Variants in ALYREF observed in about 807,000 individuals in gnomAD.
The protein encoded by ALYREF is Aly/REF export factor, also known as THO complex subunit 4.
A neutral mutation model predicts 25.2 loss-of-function variants in ALYREF; 1 was observed. That is an observed-to-expected ratio of 0.04 (90% CI 0.01 to 0.19). The LOEUF (loss-of-function observed/expected upper bound fraction) is 0.19, where lower values mean the gene tolerates loss of function less well. Ranked by LOEUF, ALYREF falls within the 10% of genes least tolerant of loss-of-function variation. ALYREF has a pLI of 1.00. For missense variants in ALYREF, 328 were observed against 375.6 expected, an observed-to-expected ratio of 0.87 and a Z score of 1.05; for synonymous variants, 193 against 153.5, an observed-to-expected ratio of 1.26 and a Z score of -1.90.
At chr17:81,891,250 G>A (rs1290175383) in intron 1 of ALYREF, 73 bp downstream of exon 1, 29 of 1,039,062 alleles carry the variant, frequency 2.8e-5, no homozygotes, top group Non-Finnish European at 3.4e-5. Flanking sequence ...CCGGGTCTCC[G>A]CCGCGAGCGG....
rs1035044135 is a variant in ALYREF at position 81,891,463 on chromosome 17, C to T, written c.118G>A (p.Gly40Ser). Residue 40 changes from glycine (G) to serine (S), a missense_variant, in exon 1 of 6, where the codon GGC (glycine) becomes AGC (serine). Gly to Ser is a moderately conservative substitution (Grantham distance 56). Transcript: ENST00000505490. Reference sequence around the variant, plus strand: ...CCACCGCCGCGGCCGCCCTGGGAGCCGGCCCGGCCGCGGCCCCGGCCCCCG... The same window carrying T: ...CCACCGCCGCGGCCGCCCTGGGAGCTGGCCCGGCCGCGGCCCCGGCCCCCG... Reference protein sequence around the residue: ...RGGGRGRGRAGSQGGRGGGAQ... With the variant: ...RGGGRGRGRASSQGGRGGGAQ... 2.7e-5 allele frequency: 29 copies of T among 1,090,352 alleles called. No individual in the cohort carries two copies. In the East Asian group the frequency reaches 1.8e-3, roughly 69 times the overall value. The allele number at this position is 1,090,352 out of a possible 1,614,324, so 67.5% of individuals were successfully genotyped here. A position where few individuals can be genotyped will look rare whatever the true frequency, so the allele number is the denominator to read the frequency against.
chr17:81,888,437 C>A lies in ALYREF; in HGVS notation c.603-19G>T. On this transcript the variant is annotated intron_variant, in intron 4 of 5. Transcript: ENST00000505490. This position sits in a 1 kb window ranked among gnomAD's most constrained non-coding sequence, Gnocchi z 5.8. ...GTTTACGCTAGCAAGGAAGACGAAA[C>A]CGTTCACACACCCGGAAGGACCCTA... The A allele has an allele frequency of 1.2e-6, 2 of 1,600,046 alleles. No individual in the cohort carries two copies. Among genetic ancestry groups the A allele is most frequent in the East Asian group, 2.2e-5 (1 of 44,568 alleles).
chr17:81,889,339 G>A lies in ALYREF; in HGVS notation c.391-10C>T, dbSNP rs375461037. The A allele has an allele frequency of 1.2e-6, 2 of 1,612,808 alleles. No homozygotes were observed. The highest frequency in any genetic ancestry group is 1.3e-5 in the African/African-American group (1 of 74,932). On this transcript the variant is annotated splice_polypyrimidine_tract_variant and intron_variant, in intron 2 of 5. Transcript: ENST00000505490. ...ATTCAGCAAAGAGTTCCTGGGAGTTGCAGAGAGCAGTTGTCAGAAAAGCAA... is the reference window on the plus strand; with the variant it reads ...ATTCAGCAAAGAGTTCCTGGGAGTTACAGAGAGCAGTTGTCAGAAAAGCAA...
In ALYREF at chr17:81,888,854, C is replaced by T; in HGVS notation, c.539-271G>A. The T allele has an allele frequency of 7.1e-7, 1 of 1,410,742 alleles. No individual in the cohort carries two copies. Among genetic ancestry groups the T allele is most frequent in the South Asian group, 1.6e-5 (1 of 63,018 alleles). 87.4% of individuals were successfully genotyped at this position (1,410,742 alleles called of 1,614,324 possible). A position where few individuals can be genotyped will look rare whatever the true frequency, so the allele number is the denominator to read the frequency against. On this transcript the variant is annotated intron_variant, in intron 3 of 5. Transcript: ENST00000505490. This position sits in a 1 kb window ranked among gnomAD's most constrained non-coding sequence, Gnocchi z 5.8. ...CTCGTGGGTGGAGAGGTGTGGGTGA[C>T]CTGACGAAGAAGAACCGGTACCTTT...
chr17:81,887,977 A>G lies in ALYREF; in HGVS notation c.*154T>C, dbSNP rs1419445900. The G allele has an allele frequency of 3.2e-6, 3 of 929,736 alleles. No individual in the cohort carries two copies. In the East Asian group the frequency reaches 8.6e-5, roughly 27 times the overall value. The allele number at this position is 929,736 out of a possible 1,614,324, so 57.6% of individuals were successfully genotyped here. On this transcript the variant is annotated 3_prime_UTR_variant, in exon 6 of 6. Transcript: ENST00000505490. ...CAGAATTAAAAAAAAAAAAAAAGAA[A>G]AAAAAAAAACCTTTACATGAGTTTT...
In ALYREF at chr17:81,889,261, T is replaced by C; in HGVS notation, c.459A>G (p.Leu153=). Residue 153 remains leucine (L), a synonymous_variant, in exon 3 of 6, where the codon TTA becomes TTG. Coordinates refer to ENST00000505490, the MANE Select transcript of ALYREF (RefSeq NM_005782.4). ...GCTCAAAGTGCACGTCTGCTGTTCC[T>C]AAGCTGCGACCAGAGCGATCATAGT... ...AVHYDRSGRS[L]GTADVHFERK... The C allele has an allele frequency of 6.2e-7, 1 of 1,614,258 alleles. No homozygotes were observed. Among genetic ancestry groups the C allele is most frequent in the Non-Finnish European group, 8.5e-7 (1 of 1,180,036 alleles).
Position 81,888,263 on chromosome 17 carries a change from T to C in ALYREF, c.758A>G (p.Gln253Arg). The change falls in exon 5 of 6, where the codon CAG (glutamine) becomes CGG (arginine). Residue 253 changes from glutamine (Q) to arginine (R), a missense_variant. This residue lies in a region of ALYREF where 108 missense variants were observed against 110.5 expected (regional missense o/e 0.98). Transcript: ENST00000505490. The surrounding 1 kb of genome is among the most constrained non-coding windows in gnomAD (Gnocchi z 5.8). ...QQLSAEELDAQLDAYNARMDT... is the reference protein window; with the variant it reads ...QQLSAEELDARLDAYNARMDT... Reference sequence around the variant, plus strand: ...CACTCTCGCATTATAGGCGTCCAGCTGGGCATCCAGCTCCTCTGCCGAAAG... The same window carrying C: ...CACTCTCGCATTATAGGCGTCCAGCCGGGCATCCAGCTCCTCTGCCGAAAG... The C allele has an allele frequency of 6.2e-7, 1 of 1,610,942 alleles. No homozygotes were observed. The highest frequency in any genetic ancestry group is 8.5e-7 in the Non-Finnish European group (1 of 1,178,802).
Position 81,888,329 on chromosome 17 carries a change from C to A in ALYREF, c.692G>T (p.Arg231Leu). ...GTRRGTRGGA[R>L]GRGRGAGRNS... ...CCTGCCGGCACCTCTGCCTCTTCCA[C>A]GGGCGCCTCCGCGGGTGCCTCTCCG... Residue 231 changes from arginine to leucine, a missense_variant, in exon 5 of 6, where the codon CGT becomes CTT. Around this residue, in one of 3 missense-constraint regions of ALYREF, gnomAD observed 108 missense variants for 110.5 expected, o/e 0.98. Transcript: ENST00000505490. This position sits in a 1 kb window ranked among gnomAD's most constrained non-coding sequence, Gnocchi z 5.8. 1.3e-5 allele frequency: 21 copies of A among 1,605,928 alleles called. No individual in the cohort carries two copies. The highest frequency in any genetic ancestry group is 1.8e-5 in the Non-Finnish European group (21 of 1,179,102).
Position 81,888,039 on chromosome 17 carries a change from T to A in ALYREF, c.*92A>T. The stretch of plus-strand genomic sequence containing the variant: ...TTAAAACATAAAAGAAACAAATCCA[T>A]CATTGGCCGCACAGCCCCAGCCACC... On this transcript the variant is annotated 3_prime_UTR_variant, in exon 6 of 6. Coordinates refer to ENST00000505490, the MANE Select transcript of ALYREF (RefSeq NM_005782.4). The surrounding 1 kb of genome is among the most constrained non-coding windows in gnomAD (Gnocchi z 5.8). 6.8e-7 allele frequency: 1 copy of A among 1,467,096 alleles called. No homozygotes were observed. The highest frequency in any genetic ancestry group is 9.3e-7 in the Non-Finnish European group (1 of 1,072,136). The allele number at this position is 1,467,096 out of a possible 1,614,324, so 90.9% of individuals were successfully genotyped here. A position where few individuals can be genotyped will look rare whatever the true frequency, so the allele number is the denominator to read the frequency against.
Position 81,887,974 on chromosome 17 carries a change from GAAA to G in ALYREF, c.*154_*156del. The G allele has an allele frequency of 2.2e-6, 1 of 445,470 alleles. No individual in the cohort carries two copies. Among genetic ancestry groups the G allele is most frequent in the Non-Finnish European group, 3.3e-6 (1 of 299,358 alleles). 27.6% of individuals were successfully genotyped at this position (445,470 alleles called of 1,614,324 possible). Reference sequence around the variant, plus strand: ...TTTCAGAATTAAAAAAAAAAAAAAAGAAAAAAAAAAAACCTTTACATGAGTTTT... The same window carrying G: ...TTTCAGAATTAAAAAAAAAAAAAAAGAAAAAAAAACCTTTACATGAGTTTT... On this transcript the variant is annotated 3_prime_UTR_variant, in exon 6 of 6. Transcript: ENST00000505490.
chr17:81,887,944 G>A lies in ALYREF; in HGVS notation c.*187C>T. On this transcript the variant is annotated 3_prime_UTR_variant, in exon 6 of 6. Transcript: ENST00000505490. ...CCAAAAATAACTCGGTACAAAACAGGTCTGTTTCAGAATTAAAAAAAAAAA... is the reference window on the plus strand; with the variant it reads ...CCAAAAATAACTCGGTACAAAACAGATCTGTTTCAGAATTAAAAAAAAAAA... 6.0e-6 allele frequency: 4 copies of A among 671,932 alleles called. No homozygotes were observed. The highest frequency in any genetic ancestry group is 9.2e-6 in the Non-Finnish European group (4 of 435,468). The allele number at this position is 671,932 out of a possible 1,614,324, so 41.6% of individuals were successfully genotyped here.
In ALYREF at chr17:81,889,359, A is replaced by G. The variant is rs749288043; in HGVS notation, c.391-30T>C. 11 of 1,608,118 alleles carry G rather than the reference A, an allele frequency of 6.8e-6. No homozygotes were observed. The South Asian group carries it at 1.2e-4, about 18-fold the overall frequency. On this transcript the variant is annotated intron_variant, in intron 2 of 5. Transcript: ENST00000505490. Reference sequence around the variant, plus strand: ...GAGTTGCAGAGAGCAGTTGTCAGAAAAGCAACAAAACTGCGTTCCTTCTGG... The same window carrying G: ...GAGTTGCAGAGAGCAGTTGTCAGAAGAGCAACAAAACTGCGTTCCTTCTGG...
In ALYREF at chr17:81,888,030, A is replaced by G. The variant is rs1392307857; in HGVS notation, c.*101T>C. On this transcript the variant is annotated 3_prime_UTR_variant, in exon 6 of 6. Transcript: ENST00000505490. This position sits in a 1 kb window ranked among gnomAD's most constrained non-coding sequence, Gnocchi z 5.8. ...AATCCTATTTTAAAACATAAAAGAA[A>G]CAAATCCATCATTGGCCGCACAGCC... The G allele has an allele frequency of 7.0e-7, 1 of 1,438,364 alleles. No individual in the cohort carries two copies. Among genetic ancestry groups the G allele is most frequent in the Non-Finnish European group, 9.5e-7 (1 of 1,051,528 alleles). 89.1% of individuals were successfully genotyped at this position (1,438,364 alleles called of 1,614,324 possible).
chr17:81,889,650 G>A (rs961981074), intron 2 of ALYREF: 12 of 288,508 alleles, frequency 4.2e-5, no homozygotes, highest in Non-Finnish European at 7.4e-5. Context: ...ACACACCCAA[G>A]GGCTGTTCCA....
chr17:81,889,658 C>G (rs1218211336), intron 2 of ALYREF: 1 of 264,264 alleles, frequency 3.8e-6, no homozygotes, highest in African/African-American at 2.1e-5. Flanking sequence ...AAGGGCTGTT[C>G]CAAGAAACGG....
rs893747241 is a variant in ALYREF, at chr17:81,891,335, C to T, written c.246G>A (p.Ala82=). 3.0e-5 allele frequency: 35 copies of T among 1,161,506 alleles called. No homozygotes were observed. Among genetic ancestry groups the T allele is most frequent in the Non-Finnish European group, 3.6e-5 (34 of 942,412 alleles). The allele number at this position is 1,161,506 out of a possible 1,614,324, so 71.9% of individuals were successfully genotyped here. A position where few individuals can be genotyped will look rare whatever the true frequency, so the allele number is the denominator to read the frequency against. Reference sequence around the variant, plus strand: ...CCTCCGCACTCACCCTGCTGTAGGGCGCCGGTCGGTTCCTGCCGCCTCCGC... The same window carrying T: ...CCTCCGCACTCACCCTGCTGTAGGGTGCCGGTCGGTTCCTGCCGCCTCCGC... ...AAGGGGRNRP[A]PYSRPKQLPD... Residue 82 remains alanine (A), a synonymous_variant, in exon 1 of 6, where the codon GCG becomes GCA. Transcript: ENST00000505490.
rs764954853 is a variant in ALYREF, at chr17:81,890,721, G to A, written c.358C>T (p.Leu120=). ...TCGGCGTCTGAGACTCCAAAATCCA[G>A]ATTGGACACCAGCAGTTTCCCACCT... ...ETGGKLLVSN[L]DFGVSDADIQ... Residue 120 remains leucine (L), a synonymous_variant, in exon 2 of 6, where the codon CTG becomes TTG. Transcript: ENST00000505490. 1.2e-5 allele frequency: 19 copies of A among 1,613,898 alleles called. No homozygotes were observed. Among genetic ancestry groups the A allele is most frequent in the Middle Eastern group, 1.6e-4 (1 of 6,078 alleles).
chr17:81,891,104 G>C (rs560778861), intron 1 of ALYREF: 2 of 656,616 alleles, frequency 3.0e-6, no homozygotes, highest in Middle Eastern at 4.4e-4. Context: ...AACAAACAAA[G>C]AGCTGGGAAG....
Position 81,888,843 on chromosome 17 carries a change from G to A in ALYREF, c.539-260C>T, listed in dbSNP as rs537052221. On this transcript the variant is annotated intron_variant, in intron 3 of 5. Coordinates refer to ENST00000505490, the MANE Select transcript of ALYREF (RefSeq NM_005782.4). The surrounding 1 kb of genome is among the most constrained non-coding windows in gnomAD (Gnocchi z 5.8). The stretch of plus-strand genomic sequence containing the variant: ...GTATCGGGGTGCTCGTGGGTGGAGA[G>A]GTGTGGGTGACCTGACGAAGAAGAA... The A allele has an allele frequency of 1.4e-6, 2 of 1,416,194 alleles. No individual in the cohort carries two copies. The highest frequency in any genetic ancestry group is 5.1e-5 in the East Asian group (2 of 39,326). 87.7% of individuals were successfully genotyped at this position (1,416,194 alleles called of 1,614,324 possible). A position where few individuals can be genotyped will look rare whatever the true frequency, so the allele number is the denominator to read the frequency against.
Sources: gnomAD v4.1 joint callset for allele counts on GRCh38, gnomAD v4.1.1 for gene constraint, gnomAD v4.1.1 regional missense constraint, Gnocchi (gnomAD v3.1) non-coding constraint, MANE v1.5 for transcripts, NCBI Gene and HGNC (gene_info 2026-07-23, HGNC 2026-07-21) for gene names.